Variants in STON2 observed in about 807,000 individuals in gnomAD.
The protein encoded by STON2 is stonin-2.
Under a neutral mutation model 65.7 loss-of-function variants are expected in STON2, and 29 were observed. The ratio of observed to expected loss-of-function variants is 0.44; its 90% CI spans 0.33 to 0.60. The LOEUF is 0.60. Ranked by LOEUF, STON2 falls within the 20% of genes least tolerant of loss-of-function variation. STON2 has a pLI of 0.03. For missense variants in STON2, 1,054 were observed against 1,118.1 expected, an observed-to-expected ratio of 0.94 and a Z score of 0.82; for synonymous variants, 404 against 414.2, an observed-to-expected ratio of 0.98 and a Z score of 0.30.
Position 81,398,143 on chromosome 14 carries a change from T to G in STON2, c.88+152A>C, listed in dbSNP as rs139457575. The G allele has an allele frequency of 2.6e-3, 1,529 of 588,568 alleles. 25 individuals are homozygous for G. The African/African-American group carries it at 0.027, about 10-fold the overall frequency. The allele number at this position is 588,568 out of a possible 1,614,324, so 36.5% of individuals were successfully genotyped here. ...TTTTTCAGTGTGTAAATTCTTCCACTTAGGATTCTAAGATCTCAAGAAAGA... is the reference window on the plus strand; with the variant it reads ...TTTTTCAGTGTGTAAATTCTTCCACGTAGGATTCTAAGATCTCAAGAAAGA... On this transcript the variant is annotated intron_variant, in intron 2 of 7. Transcript: ENST00000614646.
intron 6 of STON2, among the ~76,000 whole-genome samples, 187 bp from the exon 7 acceptor site, chr14:81,271,059 C>A (rs1445183369): frequency 6.6e-6 from 1 of 152,116 alleles, no homozygotes; most frequent in Non-Finnish European, 1.5e-5. Context: ...TGCCTCAGCC[C>A]CTCGATATAA....
intron 3 of STON2, among the ~76,000 whole-genome samples, chr14:81,376,553 G>T (rs930419797): frequency 6.6e-6 from 1 of 151,952 alleles, no homozygotes; most frequent in African/African-American, 2.4e-5. Flanking sequence ...AAAGGAAAAA[G>T]AAAAAATTTT....
At chr14:81,391,631 TGG>T (rs1900083250) in intron 3 of STON2, among the ~76,000 whole-genome samples, 1 of 152,244 alleles carries the variant, frequency 6.6e-6, no homozygotes, top group Non-Finnish European at 1.5e-5. Flanking sequence ...GGTTCATTGA[TGG>T]GTCAAGTTGG....
At chr14:81,429,892 G>A (rs530401301) in intron 1 of STON2, among the ~76,000 whole-genome samples, 1 of 151,136 alleles carries the variant, frequency 6.6e-6, no homozygotes, top group South Asian at 2.1e-4. Context: ...CTGAGATCGC[G>A]CCACTGCACT....
intron 2 of STON2, among the ~76,000 whole-genome samples, chr14:81,415,476 G>T (rs1901383419): frequency 6.6e-6 from 1 of 151,924 alleles, no homozygotes; most frequent in African/African-American, 2.4e-5. Flanking sequence ...GCTGAGCCCT[G>T]ACCCTCTGCT....
chr14:81,411,593 G>C (rs1413811368), intron 2 of STON2, among the ~76,000 whole-genome samples: 1 of 152,212 alleles, frequency 6.6e-6, no homozygotes, highest in Non-Finnish European at 1.5e-5. Flanking sequence ...TGTAATCCTG[G>C]TCACTCCAGA....
chr14:81,291,374 A>C (rs1300358778), intron 5 of STON2, among the ~76,000 whole-genome samples: 1 of 152,202 alleles, frequency 6.6e-6, no homozygotes, highest in Non-Finnish European at 1.5e-5. Context: ...TCATGAATAC[A>C]CTTTGATCAA....
In STON2 at chr14:81,398,448, T is replaced by A. The variant is rs967785178; in HGVS notation, c.-66A>T. The stretch of plus-strand genomic sequence containing the variant: ...GTGAACCCCAGAATACTGTCTGGGG[T>A]GGGCTGGAGTAGGGGTATGGTAGTA... On this transcript the variant is annotated 5_prime_UTR_variant, in exon 2 of 8. Coordinates refer to ENST00000614646, the MANE Select transcript of STON2 (RefSeq NM_001394390.1). 3.0e-5 allele frequency: 41 copies of A among 1,345,062 alleles called. No homozygotes were observed. In the East Asian group the frequency reaches 9.4e-4, roughly 31 times the overall value. 83.3% of individuals were successfully genotyped at this position (1,345,062 alleles called of 1,614,324 possible).
At chr14:81,365,930 C>T (rs1396428709) in intron 4 of STON2, among the ~76,000 whole-genome samples, 1 of 152,164 alleles carries the variant, frequency 6.6e-6, no homozygotes, top group East Asian at 1.9e-4. Context: ...CCATGTGAAC[C>T]TAGTGGCATT....
intron 4 of STON2, among the ~76,000 whole-genome samples, chr14:81,347,578 C>T (rs1897854764): frequency 7.6e-6 from 1 of 132,140 alleles, no homozygotes; most frequent in Non-Finnish European, 1.6e-5. Flanking sequence ...TTTATAAGGC[C>T]AGCATTACCC....
chr14:81,353,778 G>A (rs79722508), intron 4 of STON2, among the ~76,000 whole-genome samples: 4,376 of 152,112 alleles, frequency 0.029, 79 homozygotes, highest in African/African-American at 0.051. Context: ...AAAACACCTG[G>A]GGTCAGGTAG....
rs369183809 is a variant in STON2, at chr14:81,431,315, T to C, written c.-309-4103A>G. 4.6e-5 allele frequency among the ~76,000 whole-genome samples: 7 copies of C among 152,278 alleles called. No homozygotes were observed. The South Asian group carries it at 1.2e-3, about 27-fold the overall frequency. The stretch of plus-strand genomic sequence containing the variant: ...CACTTCATTTTATAATATGAGCTCA[T>C]TATATTTCTTATTTTATACACATTT... On this transcript the variant is annotated intron_variant, in intron 1 of 8. Transcript: ENST00000553821.
intron 4 of STON2, among the ~76,000 whole-genome samples, chr14:81,340,747 T>C (rs1025676154): frequency 6.6e-6 from 1 of 151,916 alleles, no homozygotes; most frequent in African/African-American, 2.4e-5. Context: ...GCACTAACGG[T>C]GGCTTGAATG....
chr14:81,280,595 T>C (rs1895065032), intron 5 of STON2, among the ~76,000 whole-genome samples: 2 of 152,132 alleles, frequency 1.3e-5, no homozygotes, highest in African/African-American at 4.8e-5. Context: ...ACCACACCCA[T>C]CAGCAATGCC....
At position 81,263,048 on chromosome 14, in the gene STON2, T is replaced by C. The variant is rs374987638; in HGVS notation, c.*5366A>G. The C allele has an allele frequency of 7.5e-5, 74 of 985,410 alleles. No individual in the cohort carries two copies. The African/African-American group carries it at 1.1e-3, about 15-fold the overall frequency. 61.0% of individuals were successfully genotyped at this position (985,410 alleles called of 1,614,324 possible). ...ATGTAAAGGGTCGTCATGGTTTGAA[T>C]GGGACTTAGTAGTAAAGTGTGTGAG... is the stretch of plus-strand genomic sequence containing the variant. On this transcript the variant is annotated 3_prime_UTR_variant, in exon 8 of 8. Coordinates refer to ENST00000614646, the MANE Select transcript of STON2 (RefSeq NM_001394390.1).
Position 81,326,174 on chromosome 14 carries a change from G to C in STON2, c.572-1987C>G, listed in dbSNP as rs139848937. ...CATGGCATTGGCCACCCTGATTTTT[G>C]CCACGCTGTGTTCCTAAAAGCCACA... On this transcript the variant is annotated intron_variant, in intron 4 of 7. Coordinates refer to ENST00000614646, the MANE Select transcript of STON2 (RefSeq NM_001394390.1). Among the ~76,000 whole-genome samples, 467 of 152,206 alleles carry C rather than the reference G, an allele frequency of 3.1e-3. 3 individuals carry two copies. The highest frequency in any genetic ancestry group is 0.011 in the African/African-American group (441 of 41,544).
At chr14:81,373,605 T>C (rs1024975016) in intron 3 of STON2, among the ~76,000 whole-genome samples, 4 of 152,218 alleles carry the variant, frequency 2.6e-5, no homozygotes, top group African/African-American at 9.7e-5. Context: ...GGACACAAGC[T>C]GATTTTCACT....
intron 5 of STON2, among the ~76,000 whole-genome samples, chr14:81,292,025 C>T (rs947850236): frequency 6.6e-6 from 1 of 152,112 alleles, no homozygotes; most frequent in African/African-American, 2.4e-5. Flanking sequence ...TTCCTTTAAA[C>T]CTTTCTATTA....
intron 1 of STON2, among the ~76,000 whole-genome samples, chr14:81,431,942 T>C (rs527750847): frequency 1.3e-5 from 2 of 152,096 alleles, no homozygotes; most frequent in African/African-American, 4.8e-5. Context: ...CAAAACTCTA[T>C]CTCAAAAAAA....
Sources: gnomAD v4.1 joint callset for allele counts (sites outside exome capture counted in the v4.1 genomes callset) on GRCh38, gnomAD v4.1.1 for gene constraint, MANE v1.5 for transcripts, NCBI Gene and HGNC (gene_info 2026-07-23, HGNC 2026-07-21) for gene names.